PON1: variants seen among roughly 807,000 people sequenced by gnomAD.
The protein encoded by PON1 is serum paraoxonase/arylesterase 1.
PON1 carries 37 observed loss-of-function variants against 39.2 expected under a neutral mutation model. The observed-to-expected ratio is 0.94, with a 90% CI of 0.73 to 1.24. The LOEUF (loss-of-function observed/expected upper bound fraction) is 1.24. Among genes scored for constraint, PON1 ranks in the 50% most tolerant of loss-of-function variants. The probability of loss-of-function intolerance (pLI) is 0.00; values close to 1 mark genes in which losing one functional copy is unlikely to be tolerated. For missense variants in PON1, 397 were observed against 413.5 expected (o/e 0.96, Z 0.35); for synonymous variants, 148 against 152.2 (o/e 0.97, Z 0.21).
Position 95,297,914 on chromosome 7 carries a change from A to G in PON1, c.*1030T>C, listed in dbSNP as rs1807307282. 6.6e-6 allele frequency: 1 copy of G among 152,246 alleles called. No homozygotes were observed. Among genetic ancestry groups the G allele is most frequent in the Non-Finnish European group, 1.5e-5 (1 of 68,046 alleles). The allele number at this position is 152,246 out of a possible 1,614,324, so 9.4% of individuals were successfully genotyped here. ...GAAAAACAAATAAATGAAAATGTGT[A>G]ACCTTTATATATCAGTTTCTATAAC... On this transcript the variant is annotated 3_prime_UTR_variant, in exon 9 of 9. Coordinates refer to ENST00000222381, the MANE Select transcript of PON1 (RefSeq NM_000446.7).
intron 4 of PON1, among the ~76,000 whole-genome samples, chr7:95,312,250 A>T (rs554545581): frequency 6.6e-6 from 1 of 152,036 alleles, no homozygotes; most frequent in African/African-American, 2.4e-5. Context: ...CTGGAGTGCA[A>T]TGGCGCCATC....
At chr7:95,311,681 G>A (rs1179113362) in intron 4 of PON1, 104 bp from the exon 5 acceptor site, 6 of 1,200,834 alleles carry the variant, frequency 5.0e-6, no homozygotes, top group Non-Finnish European at 6.1e-6. Flanking sequence ...TAGTTAGGAT[G>A]TCAGGCAGAT....
At chr7:95,320,946 C>A (rs1306044692) in intron 1 of PON1, among the ~76,000 whole-genome samples, 1 of 152,134 alleles carries the variant, frequency 6.6e-6, no homozygotes, top group Admixed American at 6.5e-5. Flanking sequence ...TGAGGCTAAG[C>A]AACTGATAAA....
At chr7:95,318,080 TTTTTC>T (rs1807810282) in intron 2 of PON1, among the ~76,000 whole-genome samples, 2 of 105,878 alleles carry the variant, frequency 1.9e-5, no homozygotes, top group Non-Finnish European at 3.9e-5. Flanking sequence ...CTTTTTTCTT[TTTTTC>T]TTTTTTTTTT....
rs3917473 is a variant in PON1 at position 95,323,257 on chromosome 7, A to G, written c.74+1145T>C. Among the ~76,000 whole-genome samples the G allele has an allele frequency of 9.3e-3, 1,422 of 152,294 alleles. 22 individuals carry two copies. Among genetic ancestry groups the G allele is most frequent in the African/African-American group, 0.032 (1,340 of 41,538 alleles). ...CTGTCTGGGTCACTCCAGGAGGCTC[A>G]GCAACCCATCCTTTATCTATATATT... On this transcript the variant is annotated intron_variant, in intron 1 of 8. Transcript: ENST00000222381.
intron 6 of PON1, among the ~76,000 whole-genome samples, chr7:95,307,674 A>G (rs1807570174): frequency 6.6e-6 from 1 of 152,180 alleles, no homozygotes; most frequent in African/African-American, 2.4e-5. Flanking sequence ...AACCTGCACT[A>G]CTGACGTATC....
At position 95,315,509 on chromosome 7, in the gene PON1, G is replaced by A; in HGVS notation, c.202-19C>T. On this transcript the variant is annotated intron_variant, in intron 3 of 8. Transcript: ENST00000222381. Reference sequence around the variant, plus strand: ...TTAATCCCTTATAAACCATGGAGGAGAAAAATCAAGCACAATACCAGTACT... The same window carrying A: ...TTAATCCCTTATAAACCATGGAGGAAAAAAATCAAGCACAATACCAGTACT... 3.7e-6 allele frequency: 6 copies of A among 1,611,928 alleles called. No homozygotes were observed. The highest frequency in any genetic ancestry group is 5.1e-6 in the Non-Finnish European group (6 of 1,178,846).
At chr7:95,312,289 G>A (rs1365231257) in intron 4 of PON1, among the ~76,000 whole-genome samples, 1 of 152,266 alleles carries the variant, frequency 6.6e-6, no homozygotes, top group East Asian at 1.9e-4. Context: ...CGCCTCCCAG[G>A]TTCAAGCGAT....
rs1017980328 is a variant in PON1, at chr7:95,317,074, A to G, written c.146-285T>C. Among the ~76,000 whole-genome samples, 4 of 152,356 alleles carry G rather than the reference A, an allele frequency of 2.6e-5. No homozygotes were observed. The South Asian group carries it at 8.3e-4, about 32-fold the overall frequency. ...CAAAGACTGAATCCTCTTAAAGTTC[A>G]TGGAAATTCACAAAACGTACAAAAG... is the stretch of plus-strand genomic sequence containing the variant. On this transcript the variant is annotated intron_variant, in intron 2 of 8. Transcript: ENST00000222381.
At chr7:95,304,825 TG>T (rs1389989765) in intron 7 of PON1, among the ~76,000 whole-genome samples, 2 of 152,300 alleles carry the variant, frequency 1.3e-5, no homozygotes, top group Non-Finnish European at 1.5e-5. Flanking sequence ...AGAACCTTTT[TG>T]GGGTTTTCAT....
rs143082506 is a variant in PON1 at position 95,302,747 on chromosome 7, G to T, written c.781-414C>A. The stretch of plus-strand genomic sequence containing the variant: ...ACCAGGAAATGTAGATTCTTTCTCA[G>T]AAGAATATCAATGAAATGTGGACTC... On this transcript the variant is annotated intron_variant, in intron 7 of 8. Coordinates refer to ENST00000222381, the MANE Select transcript of PON1 (RefSeq NM_000446.7). 1.2e-4 allele frequency among the ~76,000 whole-genome samples: 19 copies of T among 152,248 alleles called. No homozygotes were observed. The East Asian group carries it at 3.3e-3, about 26-fold the overall frequency.
chr7:95,301,552 G>A (rs1017513868), intron 8 of PON1, among the ~76,000 whole-genome samples: 17 of 152,096 alleles, frequency 1.1e-4, no homozygotes, highest in Admixed American at 9.2e-4. Context: ...ACCTGTTCTG[G>A]CTTCTGGTAT....
chr7:95,303,454 T>C (rs1221525306), intron 7 of PON1, among the ~76,000 whole-genome samples: 1 of 152,218 alleles, frequency 6.6e-6, no homozygotes, highest in African/African-American at 2.4e-5. Context: ...TTTCAGGGCT[T>C]TGCTCTTATC....
rs1807341468 is a variant in PON1 at position 95,298,582 on chromosome 7, A to T, written c.*362T>A. On this transcript the variant is annotated 3_prime_UTR_variant, in exon 9 of 9. Coordinates refer to ENST00000222381, the MANE Select transcript of PON1 (RefSeq NM_000446.7). ...CTCCCCTGTGTCTTCTGAACAAGAC[A>T]TGGCAAGGCAGCGATACACACATGT... is the stretch of plus-strand genomic sequence containing the variant. 2.8e-6 allele frequency: 1 copy of T among 359,818 alleles called. No homozygotes were observed. The highest frequency in any genetic ancestry group is 5.4e-6 in the Non-Finnish European group (1 of 185,172). The allele number at this position is 359,818 out of a possible 1,614,324, so 22.3% of individuals were successfully genotyped here.
At chr7:95,307,562 C>T (rs773178701) in intron 6 of PON1, among the ~76,000 whole-genome samples, 1 of 152,190 alleles carries the variant, frequency 6.6e-6, no homozygotes, top group Non-Finnish European at 1.5e-5. Flanking sequence ...TCACTAAGCA[C>T]ACTGCTTAGT....
intron 1 of PON1, among the ~76,000 whole-genome samples, chr7:95,321,346 G>A (rs1015625987): frequency 1.3e-5 from 2 of 152,158 alleles, no homozygotes; most frequent in African/African-American, 4.8e-5. Context: ...CTGGCTGCTC[G>A]CAGAAAAAAG....
At chr7:95,302,716 A>G (rs537232765) in intron 7 of PON1, among the ~76,000 whole-genome samples, 31 of 152,358 alleles carry the variant, frequency 2.0e-4, no homozygotes, top group Admixed American at 1.7e-3. Context: ...AAGCATTCAG[A>G]AAACAACCAG....
intron 4 of PON1, among the ~76,000 whole-genome samples, chr7:95,314,354 T>C (rs1471918738): frequency 6.7e-6 from 1 of 150,244 alleles, no homozygotes; most frequent in East Asian, 2.0e-4. Flanking sequence ...CAAGACTCCA[T>C]CTCAAAAACA....
chr7:95,298,037 TA>T lies in PON1; in HGVS notation c.*906del, dbSNP rs1348496541. 4 of 152,256 alleles carry T rather than the reference TA, an allele frequency of 2.6e-5. No homozygotes were observed. In the East Asian group the frequency reaches 5.8e-4, roughly 22 times the overall value. 9.4% of individuals were successfully genotyped at this position (152,256 alleles called of 1,614,324 possible). On this transcript the variant is annotated 3_prime_UTR_variant, in exon 9 of 9. Coordinates refer to ENST00000222381, the MANE Select transcript of PON1 (RefSeq NM_000446.7). ...TTTATTTGTTTGTTTACCTTTCTAT[TA>T]TTTTTTTTCTTTTCAGCCTCCACAA...
Sources: gnomAD v4.1 joint callset for allele counts (sites outside exome capture counted in the v4.1 genomes callset) on GRCh38, gnomAD v4.1.1 for gene constraint, MANE v1.5 for transcripts, NCBI Gene and HGNC (gene_info 2026-07-23, HGNC 2026-07-21) for gene names.